Variants in LRMDA observed in about 807,000 individuals in gnomAD.
LRMDA encodes leucine rich melanocyte differentiation associated, also known as leucine-rich melanocyte differentiation-associated protein.
A neutral mutation model predicts 29.8 loss-of-function variants in LRMDA; 18 were observed. That is an observed-to-expected ratio of 0.60 (90% CI 0.42 to 0.90). The LOEUF is 0.90. Ranked by LOEUF, LRMDA falls within the 40% of genes least tolerant of loss-of-function variation. The pLI is 0.00. For synonymous variants in LRMDA, 125 were observed against 109.4 expected (o/e 1.14, Z -0.89); for missense variants, 273 against 273.9 (o/e 1.00, Z 0.02).
At chr10:76,093,640 G>T (rs1005447644) in intron 5 of LRMDA, among the ~76,000 whole-genome samples, 2 of 151,728 alleles carry the variant, frequency 1.3e-5, no homozygotes, top group South Asian at 4.2e-4. Flanking sequence ...GTCTTGTCCC[G>T]ATTCCTTTAC....
rs562491561 is a variant in LRMDA, at chr10:76,166,800, G to A, written c.516+108017G>A. On this transcript the variant is annotated intron_variant, in intron 5 of 6. Coordinates refer to ENST00000611255, the MANE Select transcript of LRMDA (RefSeq NM_001305581.2). ...AACACATGAATGTGTATGTCTTGAT[G>A]ACTGAACAACTTATATTCCTCCTAG... Among the ~76,000 whole-genome samples the A allele has an allele frequency of 1.8e-4, 27 of 152,014 alleles. 1 individual carries two copies. In the South Asian group the frequency reaches 5.2e-3, roughly 29 times the overall value.
intron 2 of LRMDA, among the ~76,000 whole-genome samples, chr10:75,951,680 G>GT (rs1044588774): frequency 1.3e-5 from 2 of 152,086 alleles, no homozygotes; most frequent in African/African-American, 2.4e-5. Flanking sequence ...CCCCCAAATA[G>GT]TTTTTTTTCC....
At chr10:76,452,095 A>G (rs1842413288) in intron 6 of LRMDA, among the ~76,000 whole-genome samples, 1 of 152,210 alleles carries the variant, frequency 6.6e-6, no homozygotes, top group Non-Finnish European at 1.5e-5. Context: ...GAGGTCACTT[A>G]TCAGATGGCT....
intron 2 of LRMDA, among the ~76,000 whole-genome samples, chr10:75,979,830 T>A (rs1464281403): frequency 1.3e-5 from 2 of 152,164 alleles, no homozygotes. Flanking sequence ...TCTGTGTTCC[T>A]GCAGGACACA....
intron 5 of LRMDA, among the ~76,000 whole-genome samples, chr10:76,165,919 C>T (rs1000639143): frequency 3.3e-5 from 5 of 152,154 alleles, no homozygotes; most frequent in Admixed American, 6.6e-5. Context: ...CAGTGGGTAT[C>T]GAGAGGCTAT....
intron 5 of LRMDA, among the ~76,000 whole-genome samples, chr10:76,203,674 A>G (rs1011069664): frequency 6.6e-6 from 1 of 151,180 alleles, no homozygotes; most frequent in African/African-American, 2.4e-5. Context: ...ACCCATCTCT[A>G]TTCCATGTGC....
chr10:76,395,701 G>C (rs1841775912), intron 6 of LRMDA, among the ~76,000 whole-genome samples: 1 of 152,216 alleles, frequency 6.6e-6, no homozygotes, highest in South Asian at 2.1e-4. Flanking sequence ...ACTCTAGCCA[G>C]ACTGTCAAAT....
At chr10:75,534,952 A>T (rs1013695010) in intron 2 of LRMDA, among the ~76,000 whole-genome samples, 6 of 152,156 alleles carry the variant, frequency 3.9e-5, no homozygotes, top group Non-Finnish European at 5.9e-5. Context: ...AAGCTTCATT[A>T]AAAAAACGAA....
At chr10:76,492,477 C>G (rs1233554016) in intron 6 of LRMDA, among the ~76,000 whole-genome samples, 1 of 152,042 alleles carries the variant, frequency 6.6e-6, no homozygotes, top group African/African-American at 2.4e-5. Context: ...TCAGTAAGAG[C>G]TGGAAGAATT....
chr10:75,486,674 C>T (rs563236558), intron 2 of LRMDA, among the ~76,000 whole-genome samples: 2 of 152,178 alleles, frequency 1.3e-5, no homozygotes, highest in East Asian at 3.9e-4. Flanking sequence ...AAAGTTGGGC[C>T]TAGGGTGAGT....
intron 6 of LRMDA, among the ~76,000 whole-genome samples, chr10:76,363,170 AAAGAAAGGAGGG>A (rs1564520636): frequency 5.0e-5 from 1 of 19,964 alleles, no homozygotes; most frequent in African/African-American, 1.9e-4. Context: ...AGAAAGAAAG[AAAGAAAGGAGGG>A]AGGGAGGGAG....
At chr10:76,061,623 A>G (rs566478421) in intron 5 of LRMDA, among the ~76,000 whole-genome samples, 9 of 152,350 alleles carry the variant, frequency 5.9e-5, no homozygotes, top group Admixed American at 5.2e-4. Flanking sequence ...CATGATTTCC[A>G]GACCAAAGAG....
chr10:75,469,976 C>T (rs1285346617), intron 2 of LRMDA, among the ~76,000 whole-genome samples: 1 of 152,136 alleles, frequency 6.6e-6, no homozygotes, highest in African/African-American at 2.4e-5. Context: ...AGGAAGGAGT[C>T]TAAGAACTAG....
chr10:76,121,869 C>T (rs1428412037), intron 5 of LRMDA, among the ~76,000 whole-genome samples: 1 of 152,182 alleles, frequency 6.6e-6, no homozygotes. Context: ...CATTGGGGAT[C>T]ATGCATTACT....
chr10:75,724,393 G>A (rs1438174909), intron 2 of LRMDA, among the ~76,000 whole-genome samples: 1 of 152,146 alleles, frequency 6.6e-6, no homozygotes, highest in Non-Finnish European at 1.5e-5. Flanking sequence ...TTTCCTGACT[G>A]TTTTCAAGCT....
At chr10:75,802,970 A>T (rs202165374) in intron 2 of LRMDA, among the ~76,000 whole-genome samples, 3,576 of 128,030 alleles carry the variant, frequency 0.028, 51 homozygotes, top group South Asian at 0.06. Context: ...ATATATATAT[A>T]TATTTTTTTT....
At chr10:75,962,510 C>A (rs1212663472) in intron 2 of LRMDA, among the ~76,000 whole-genome samples, 1 of 152,180 alleles carries the variant, frequency 6.6e-6, no homozygotes, top group African/African-American at 2.4e-5. Context: ...GACCAGATGA[C>A]CCTCTGGGTA....
rs550856405 is a variant in LRMDA at position 75,787,894 on chromosome 10, TG to T, written c.132-248112del. On this transcript the variant is annotated intron_variant, in intron 2 of 6. Transcript: ENST00000611255. ...AATACAAAAAATTAGCTGGGCATGGTGGTGGGCACCTGTAGTCCCAGCTACT... is the reference window on the plus strand; with the variant it reads ...AATACAAAAAATTAGCTGGGCATGGTGTGGGCACCTGTAGTCCCAGCTACT... Among the ~76,000 whole-genome samples, 17 of 152,254 alleles carry T rather than the reference TG, an allele frequency of 1.1e-4. No homozygotes were observed. The South Asian group carries it at 3.5e-3, about 32-fold the overall frequency.
intron 2 of LRMDA, among the ~76,000 whole-genome samples, chr10:75,637,809 T>C (rs1236315168): frequency 6.6e-6 from 1 of 152,160 alleles, no homozygotes; most frequent in Non-Finnish European, 1.5e-5. Context: ...TGTGGCATTG[T>C]TAACTATGAG....
Sources: gnomAD v4.1 joint callset for allele counts (sites outside exome capture counted in the v4.1 genomes callset) on GRCh38, gnomAD v4.1.1 for gene constraint, MANE v1.5 for transcripts, NCBI Gene and HGNC (gene_info 2026-07-23, HGNC 2026-07-21) for gene names.